YME1L1: variants seen among roughly 807,000 people sequenced by gnomAD.
The protein encoded by YME1L1 is ATP-dependent zinc metalloprotease YME1L1.
YME1L1 carries 39 observed loss-of-function variants against 90.4 expected under a neutral mutation model. The ratio of observed to expected loss-of-function variants is 0.43; its 90% confidence interval spans 0.33 to 0.56. The LOEUF (loss-of-function observed/expected upper bound fraction) is 0.56. YME1L1 is among the 20% of genes least tolerant of loss of function. The pLI is 0.03. For synonymous variants in YME1L1, 284 were observed against 287.3 expected, an observed-to-expected ratio of 0.99 and a Z score of 0.12; for missense variants, 617 against 868.4, an observed-to-expected ratio of 0.71 and a Z score of 3.64.
At chr10:27,135,881 A>C (rs548500001) in intron 5 of YME1L1, among the ~76,000 whole-genome samples, 18 of 152,238 alleles carry the variant, frequency 1.2e-4, no homozygotes, top group Non-Finnish European at 2.5e-4. Flanking sequence ...TAGGCAACAA[A>C]TAGTTATAGC....
chr10:27,139,528 T>C (rs189618957), intron 4 of YME1L1, among the ~76,000 whole-genome samples: 5 of 128,284 alleles, frequency 3.9e-5, no homozygotes, highest in Admixed American at 8.3e-5. Context: ...GGGAACTCTA[T>C]CTTTTTCTTT....
intron 4 of YME1L1, among the ~76,000 whole-genome samples, chr10:27,141,922 G>A (rs2057091779): frequency 6.6e-6 from 1 of 152,110 alleles, no homozygotes. Context: ...TATCACTAGT[G>A]CCTTGTATTC....
intron 14 of YME1L1, among the ~76,000 whole-genome samples, chr10:27,118,843 G>A (rs866279169): frequency 3.0e-4 from 45 of 152,314 alleles, no homozygotes; most frequent in Non-Finnish European, 1.5e-4. Flanking sequence ...AAGAGGAAAT[G>A]TATACGTGCC....
At chr10:27,138,714 TA>T (rs967367465) in intron 4 of YME1L1, among the ~76,000 whole-genome samples, 3 of 152,166 alleles carry the variant, frequency 2.0e-5, no homozygotes, top group African/African-American at 7.2e-5. Flanking sequence ...AATTTTCTGG[TA>T]AACAATCGTT....
chr10:27,139,367 T>C (rs923241279), intron 4 of YME1L1, among the ~76,000 whole-genome samples: 1 of 152,046 alleles, frequency 6.6e-6, no homozygotes, highest in Non-Finnish European at 1.5e-5. Context: ...CTAATTTTTG[T>C]TGCTGTTGTT....
Position 27,130,875 on chromosome 10 carries a change from A to C in YME1L1, c.858+984T>G, listed in dbSNP as rs145237114. Among the ~76,000 whole-genome samples, 9 of 152,286 alleles carry C rather than the reference A, an allele frequency of 5.9e-5. No individual in the cohort carries two copies. The East Asian group carries it at 1.7e-3, about 29-fold the overall frequency. ...TCTCAAAAACAAAAACAAAAATCTC[A>C]GTAAATGTCAATTCTATCCTTCTAA... On this transcript the variant is annotated intron_variant, in intron 8 of 18. Transcript: ENST00000376016.
chr10:27,112,249 T>C (rs1041241733), intron 18 of YME1L1, 129 bp from the exon 19 acceptor site: 12 of 865,554 alleles, frequency 1.4e-5, no homozygotes, highest in Admixed American at 6.0e-5. Flanking sequence ...TAAAATCATG[T>C]AGAATCTTGA....
chr10:27,118,347 T>C (rs180877154), intron 14 of YME1L1, among the ~76,000 whole-genome samples: 14 of 152,270 alleles, frequency 9.2e-5, no homozygotes, highest in African/African-American at 3.4e-4. Context: ...AGTGGCATGA[T>C]CATGGCTCAC....
At position 27,148,969 on chromosome 10, in the gene YME1L1, T is replaced by A. The variant is rs779619086; in HGVS notation, c.105A>T (p.Gly35=). Residue 35 remains glycine, a synonymous_variant, in exon 2 of 19, where the codon GGA becomes GGT. Transcript: ENST00000376016. Reference sequence around the variant, plus strand: ...GATGCTGGTTTTGAGAAACTGACACTCCACTGAGAGAAACAGAAGTGTTTT... The same window carrying A: ...GATGCTGGTTTTGAGAAACTGACACACCACTGAGAGAAACAGAAGTGTTTT... ...TPKNTSVSLS[G]VSVSQNQHRD... is the part of the protein sequence containing the mutation. 2.1e-5 allele frequency: 34 copies of A among 1,613,862 alleles called. 1 individual carries two copies. The South Asian group carries it at 3.5e-4, about 17-fold the overall frequency.
At chr10:27,139,967 A>G (rs935608562) in intron 4 of YME1L1, among the ~76,000 whole-genome samples, 3 of 151,848 alleles carry the variant, frequency 2.0e-5, no homozygotes, top group Non-Finnish European at 2.9e-5. Flanking sequence ...TTCTTCTATT[A>G]TTTTTCAGAA....
Position 27,116,075 on chromosome 10 carries a change from A to T in YME1L1, c.1905T>A (p.Phe635Leu). The T allele has an allele frequency of 2.5e-6, 4 of 1,613,670 alleles. No individual in the cohort carries two copies. The highest frequency in any genetic ancestry group is 3.4e-6 in the Non-Finnish European group (4 of 1,179,870). Residue 635 changes from phenylalanine (F) to leucine (L), a missense_variant, in exon 17 of 19, where the codon TTT (phenylalanine) becomes TTA (leucine). Phe to Leu is a conservative substitution (Grantham distance 22). Transcript: ENST00000376016. ...TKIAKRMVTKFGMSEKLGVMT... is the reference protein window; with the variant it reads ...TKIAKRMVTKLGMSEKLGVMT... Reference sequence around the variant, plus strand: ...AATCTATTACCTTTTCACTCATTCCAAATTTGGTAACCATCCGCTTTGCTA... The same window carrying T: ...AATCTATTACCTTTTCACTCATTCCTAATTTGGTAACCATCCGCTTTGCTA...
intron 8 of YME1L1, among the ~76,000 whole-genome samples, chr10:27,128,077 A>C (rs1206130109): frequency 1.3e-5 from 2 of 152,216 alleles, no homozygotes; most frequent in African/African-American, 2.4e-5. Flanking sequence ...GGAACATAAG[A>C]TCTATCAAGG....
intron 4 of YME1L1, among the ~76,000 whole-genome samples, chr10:27,136,594 C>A (rs1369868239): frequency 6.6e-6 from 1 of 152,136 alleles, no homozygotes; most frequent in Non-Finnish European, 1.5e-5. Context: ...TGGGCTCAAG[C>A]AGTCCTCTTG....
intron 8 of YME1L1, among the ~76,000 whole-genome samples, chr10:27,129,008 C>T (rs1272132802): frequency 6.9e-6 from 1 of 145,000 alleles, no homozygotes; most frequent in Non-Finnish European, 1.5e-5. Flanking sequence ...ATCACTTGAG[C>T]CCAGAAGGTC....
intron 15 of YME1L1, among the ~76,000 whole-genome samples, chr10:27,116,557 T>C (rs368701339): frequency 6.6e-6 from 1 of 152,058 alleles, no homozygotes; most frequent in East Asian, 1.9e-4. Context: ...TCCCAACTAC[T>C]TGGGAGGCTA....
intron 3 of YME1L1, among the ~76,000 whole-genome samples, chr10:27,142,945 C>T (rs1588611628): frequency 6.6e-6 from 1 of 152,120 alleles, no homozygotes; most frequent in Non-Finnish European, 1.5e-5. Context: ...TCTTGATCTC[C>T]TGACCTCCTG....
intron 7 of YME1L1, among the ~76,000 whole-genome samples, chr10:27,132,850 T>A (rs1338998025): frequency 6.6e-6 from 1 of 152,018 alleles, no homozygotes; most frequent in African/African-American, 2.4e-5. Flanking sequence ...AATAAAAAAA[T>A]AAAATAAAAT....
intron 18 of YME1L1, among the ~76,000 whole-genome samples, chr10:27,113,260 A>AAAAAAT (rs1564453902): frequency 9.0e-6 from 1 of 111,614 alleles, no homozygotes; most frequent in African/African-American, 3.3e-5. Flanking sequence ...AAAAAAAAAA[A>AAAAAAT]AAAGACCTGC....
At position 27,119,284 on chromosome 10, in the gene YME1L1, G is replaced by A. The variant is rs777825121; in HGVS notation, c.1567+10C>T. The A allele has an allele frequency of 1.3e-6, 2 of 1,580,340 alleles. No homozygotes were observed. Among genetic ancestry groups the A allele is most frequent in the Non-Finnish European group, 1.7e-6 (2 of 1,170,194 alleles). On this transcript the variant is annotated intron_variant, in intron 14 of 18. Coordinates refer to ENST00000376016, the MANE Select transcript of YME1L1 (RefSeq NM_014263.4). ...AAGTAAAAGACAGAAAAAAAAGAAA[G>A]GAAACCTACCCATTAGAATTTTGTC...
Sources: allele counts gnomAD v4.1 joint callset (sites outside exome capture counted in the v4.1 genomes callset), GRCh38; gene constraint gnomAD v4.1.1; transcripts MANE v1.5; gene names NCBI Gene and HGNC (gene_info 2026-07-23, HGNC 2026-07-21).